The following ZC3HAV1L variants were observed in gnomAD, a reference collection of about 807,000 sequenced individuals.
ZC3HAV1L encodes ZC3HAV1 like.
Under a neutral mutation model 28.2 loss-of-function variants are expected in ZC3HAV1L, and 23 were observed. The ratio of observed to expected loss-of-function variants is 0.82; its 90% confidence interval spans 0.59 to 1.16. The LOEUF is 1.16. Ranked by LOEUF, ZC3HAV1L falls within the 50% of genes most tolerant of loss-of-function variation. The pLI is 0.00. For missense variants in ZC3HAV1L, 376 were observed against 387.7 expected (o/e 0.97, Z 0.25); for synonymous variants, 180 against 163.4 (o/e 1.10, Z -0.78).
intron 2 of ZC3HAV1L, 146 bp downstream of exon 2, chr7:139,034,397 A>C: frequency 7.6e-7 from 1 of 1,309,906 alleles, no homozygotes; most frequent in Non-Finnish European, 1.0e-6. Context: ...CCATGATAGC[A>C]ATTATAAAGG....
rs1400532332 is a variant in ZC3HAV1L, at chr7:139,026,735, C to T, written c.859G>A (p.Ala287Thr). 6.2e-7 allele frequency: 1 copy of T among 1,614,168 alleles called. No individual in the cohort carries two copies. The highest frequency in any genetic ancestry group is 1.1e-5 in the South Asian group (1 of 91,076). Reference sequence around the variant, plus strand: ...GGGCAGGGCTTCTTGGCCGACTGAGCAGGGACAGAAGCCAGAGGACCAGCT... The same window carrying T: ...GGGCAGGGCTTCTTGGCCGACTGAGTAGGGACAGAAGCCAGAGGACCAGCT... Reference protein sequence around the residue: ...AEAGPLASVPAQSAKKPCPVS... With the variant: ...AEAGPLASVPTQSAKKPCPVS... Residue 287 changes from alanine to threonine, a missense_variant, in exon 4 of 5, where the codon GCT becomes ACT. Transcript: ENST00000275766.
At chr7:139,034,424 T>A in intron 2 of ZC3HAV1L, 119 bp downstream of exon 2, 1 of 1,455,134 alleles carries the variant, frequency 6.9e-7, no homozygotes, top group Non-Finnish European at 9.3e-7. Flanking sequence ...TTAAAGCATT[T>A]GAAACTGAAT....
chr7:139,027,335 T>C (rs1815385515), intron 3 of ZC3HAV1L, among the ~76,000 whole-genome samples: 1 of 152,162 alleles, frequency 6.6e-6, no homozygotes, highest in African/African-American at 2.4e-5. Flanking sequence ...AGTAACTGAA[T>C]GCATTAGAAT....
At chr7:139,021,825 T>G (rs1167152529), downstream of ZC3HAV1L, among the ~76,000 whole-genome samples, 1 of 152,072 alleles carries the variant, frequency 6.6e-6, no homozygotes, top group African/African-American at 2.4e-5. Flanking sequence ...TCAAAAAAAC[T>G]TATTACAATT....
At chr7:139,029,683 C>A (rs1264180293) in intron 2 of ZC3HAV1L, among the ~76,000 whole-genome samples, 1 of 152,100 alleles carries the variant, frequency 6.6e-6, no homozygotes, top group African/African-American at 2.4e-5. Context: ...TTCCTTAGAC[C>A]CTGCTTCCCT....
chr7:139,035,863 T>C lies in ZC3HAV1L; in HGVS notation c.155A>G (p.Gln52Arg). 1 of 1,509,494 alleles carries C rather than the reference T, an allele frequency of 6.6e-7. No individual in the cohort carries two copies. Among genetic ancestry groups the C allele is most frequent in the Non-Finnish European group, 8.8e-7 (1 of 1,136,732 alleles). The allele number at this position is 1,509,494 out of a possible 1,614,324, so 93.5% of individuals were successfully genotyped here. The change falls in exon 1 of 5, where the codon CAG becomes CGG. Residue 52 changes from glutamine to arginine, a missense_variant. By Grantham distance (43) the Gln-to-Arg change is conservative (BLOSUM62 1). Coordinates refer to ENST00000275766, the MANE Select transcript of ZC3HAV1L (RefSeq NM_080660.4). Reference protein sequence around the residue: ...QRAGPERFLLQEVETQEGLGD... With the variant: ...QRAGPERFLLREVETQEGLGD... Reference sequence around the variant, plus strand: ...GAGGCCCTCCTGCGTCTCCACCTCCTGCAGCAGGAAACGCTCGGGCCCGGC... The same window carrying C: ...GAGGCCCTCCTGCGTCTCCACCTCCCGCAGCAGGAAACGCTCGGGCCCGGC...
chr7:139,026,850 G>T lies in ZC3HAV1L; in HGVS notation c.761-17C>A, dbSNP rs1335749222. 6.3e-7 allele frequency: 1 copy of T among 1,598,454 alleles called. No homozygotes were observed. The highest frequency in any genetic ancestry group is 2.2e-5 in the East Asian group (1 of 44,540). ...ATGAATTATCTACAAAGAGGAAAGGGATAAGTTTTCCTACGATACCCCAAG... is the reference window on the plus strand; with the variant it reads ...ATGAATTATCTACAAAGAGGAAAGGTATAAGTTTTCCTACGATACCCCAAG... On this transcript the variant is annotated splice_polypyrimidine_tract_variant and intron_variant, in intron 3 of 4. Transcript: ENST00000275766.
chr7:139,036,037 G>T lies in ZC3HAV1L; in HGVS notation c.-20C>A, dbSNP rs921432014. On this transcript the variant is annotated 5_prime_UTR_variant, in exon 1 of 5. Transcript: ENST00000275766. ...CGCCATGGTCGCTGGCGCGGGCCCT[G>T]TGCGCGCGGCGCAGCGAGCCGGGGC... 6.8e-7 allele frequency: 1 copy of T among 1,478,586 alleles called. No homozygotes were observed. Among genetic ancestry groups the T allele is most frequent in the Non-Finnish European group, 8.9e-7 (1 of 1,123,774 alleles). The allele number at this position is 1,478,586 out of a possible 1,614,324, so 91.6% of individuals were successfully genotyped here. A position where few individuals can be genotyped will look rare whatever the true frequency, so the allele number is the denominator to read the frequency against.
Position 139,029,000 on chromosome 7 carries a change from T to C in ZC3HAV1L, c.502-40A>G, listed in dbSNP as rs770527742. The C allele has an allele frequency of 9.5e-6, 15 of 1,582,748 alleles. No individual in the cohort carries two copies. In the African/African-American group the frequency reaches 1.9e-4, roughly 20 times the overall value. ...AGGGAACACCTGAAATATTAGTTTT[T>C]CTTTTTTTTTTGGCAGCGGGGAGAT... On this transcript the variant is annotated intron_variant, in intron 2 of 4. Transcript: ENST00000275766.
At chr7:139,026,924 A>G (rs920140843) in intron 3 of ZC3HAV1L, 91 bp from the exon 4 acceptor site, 2 of 1,414,500 alleles carry the variant, frequency 1.4e-6, no homozygotes, top group African/African-American at 2.8e-5. Context: ...CCATCAGACA[A>G]GACTCCCAAC....
chr7:139,027,667 A>C (rs1267793302), intron 3 of ZC3HAV1L, among the ~76,000 whole-genome samples: 3 of 152,234 alleles, frequency 2.0e-5, no homozygotes, highest in African/African-American at 4.8e-5. Flanking sequence ...ACAGAGCAAG[A>C]TCCTGTCTTC....
At chr7:139,024,682 T>C (rs760722897), downstream of ZC3HAV1L, among the ~76,000 whole-genome samples, 1 of 152,250 alleles carries the variant, frequency 6.6e-6, no homozygotes, top group Non-Finnish European at 1.5e-5. Context: ...ATTTCTCACT[T>C]TAAAAAGGAC....
Position 139,028,687 on chromosome 7 carries a change from C to T in ZC3HAV1L, c.760+15G>A, listed in dbSNP as rs761399244. Reference sequence around the variant, plus strand: ...ATATCGCTGATACTTCTCTGTCCTTCTTGGATATTCCTACCTGTATTTTCA... The same window carrying T: ...ATATCGCTGATACTTCTCTGTCCTTTTTGGATATTCCTACCTGTATTTTCA... On this transcript the variant is annotated intron_variant, in intron 3 of 4. Coordinates refer to ENST00000275766, the MANE Select transcript of ZC3HAV1L (RefSeq NM_080660.4). 6.2e-7 allele frequency: 1 copy of T among 1,610,516 alleles called. No individual in the cohort carries two copies. The highest frequency in any genetic ancestry group is 8.5e-7 in the Non-Finnish European group (1 of 1,177,400).
intron 2 of ZC3HAV1L, among the ~76,000 whole-genome samples, chr7:139,030,322 G>GT (rs963526966): frequency 3.3e-5 from 5 of 152,320 alleles, no homozygotes; most frequent in East Asian, 1.9e-4. Flanking sequence ...GCACACGCCT[G>GT]TAATTCCAGC....
chr7:139,028,390 C>CA (rs1563114010), intron 3 of ZC3HAV1L, among the ~76,000 whole-genome samples: 1 of 139,366 alleles, frequency 7.2e-6, no homozygotes, highest in Non-Finnish European at 1.5e-5. Context: ...AAAACAAAAA[C>CA]AAAACCTGTT....
At chr7:139,027,875 A>G (rs559858393) in intron 3 of ZC3HAV1L, among the ~76,000 whole-genome samples, 105 of 152,334 alleles carry the variant, frequency 6.9e-4, no homozygotes, top group Non-Finnish European at 1.3e-3. Flanking sequence ...AATTGTAACA[A>G]GTATAGTAGA....
At chr7:139,035,254 G>T in intron 1 of ZC3HAV1L, 1 of 985,396 alleles carries the variant, frequency 1.0e-6, no homozygotes, top group Non-Finnish European at 1.2e-6. Flanking sequence ...TGGGGGAGCA[G>T]CGATTTCCGG....
At chr7:139,033,709 A>C (rs1815606248) in intron 2 of ZC3HAV1L, 3 of 984,938 alleles carry the variant, frequency 3.0e-6, no homozygotes, top group Non-Finnish European at 3.6e-6. Context: ...AAAACATTCG[A>C]TAGATTTGAC....
chr7:139,032,336 G>C (rs1337312605), intron 2 of ZC3HAV1L, among the ~76,000 whole-genome samples: 4 of 152,032 alleles, frequency 2.6e-5, no homozygotes, highest in African/African-American at 7.2e-5. Context: ...GGTGACTGTA[G>C]TTAATAATAA....
Sources: allele counts gnomAD v4.1 joint callset (sites outside exome capture counted in the v4.1 genomes callset), GRCh38; gene constraint gnomAD v4.1.1; transcripts MANE v1.5; gene names NCBI Gene and HGNC (gene_info 2026-07-23, HGNC 2026-07-21).